STOX2: variants seen among roughly 807,000 people sequenced by gnomAD.
STOX2 encodes storkhead box 2.
STOX2 carries 28 observed loss-of-function variants against 60.9 expected under a neutral mutation model. The ratio of observed to expected loss-of-function variants is 0.46; its 90% CI spans 0.34 to 0.63. The LOEUF is 0.63. Ranked by LOEUF, STOX2 falls within the 30% of genes least tolerant of loss-of-function variation. The pLI is 0.01. For missense variants in STOX2, 1,024 were observed against 1,187.7 expected (o/e 0.86, Z 2.03); for synonymous variants, 472 against 463.9 (o/e 1.02, Z -0.22).
chr4:183,810,310 C>T (rs908925157), intron 1 of STOX2, among the ~76,000 whole-genome samples: 3 of 152,096 alleles, frequency 2.0e-5, no homozygotes, highest in Admixed American at 2.0e-4. Context: ...TGCTTCTGCC[C>T]TAGGTTAAAG....
chr4:183,851,701 C>G (rs369359837), intron 1 of STOX2, among the ~76,000 whole-genome samples: 2,261 of 30,574 alleles, frequency 0.074, 1 homozygote, highest in Admixed American at 0.096. Flanking sequence ...ATGAGAGAAA[C>G]GATGAGGGAA....
chr4:183,931,328 G>A (rs1742414998), intron 1 of STOX2, among the ~76,000 whole-genome samples: 1 of 152,110 alleles, frequency 6.6e-6, no homozygotes, highest in African/African-American at 2.4e-5. Flanking sequence ...GGTGGCTGAG[G>A]CGGGAGAATC....
chr4:183,841,167 G>A (rs1739851204), intron 1 of STOX2, among the ~76,000 whole-genome samples: 2 of 151,354 alleles, frequency 1.3e-5, no homozygotes, highest in African/African-American at 4.9e-5. Context: ...GCCCGGTTCA[G>A]TTTTCATCGT....
At chr4:183,892,198 C>T (rs114518109) in intron 1 of STOX2, among the ~76,000 whole-genome samples, 6,188 of 152,342 alleles carry the variant, frequency 0.041, 156 homozygotes, top group Non-Finnish European at 0.064. Flanking sequence ...GCCCTCCCCT[C>T]GTCTCCTATG....
At chr4:183,925,148 T>C (rs964962445) in intron 1 of STOX2, among the ~76,000 whole-genome samples, 1 of 152,178 alleles carries the variant, frequency 6.6e-6, no homozygotes, top group African/African-American at 2.4e-5. Context: ...GCTGATGGGA[T>C]GTCTCCTTTG....
intron 1 of STOX2, among the ~76,000 whole-genome samples, chr4:183,908,336 A>G (rs1036905583): frequency 1.3e-5 from 2 of 152,180 alleles, no homozygotes; most frequent in African/African-American, 4.8e-5. Context: ...TTTGAAACAC[A>G]CCTAAATGCA....
intron 1 of STOX2, among the ~76,000 whole-genome samples, chr4:183,863,357 C>T (rs529225622): frequency 6.6e-6 from 1 of 152,300 alleles, no homozygotes; most frequent in Admixed American, 6.5e-5. Flanking sequence ...TTGGAAAACG[C>T]CAGCTGAGAG....
rs372589567 is a variant in STOX2 at position 183,810,994 on chromosome 4, G to A, written c.364+12939G>A. ...TCAGACAGCACGTCGGGGGTGGTGG[G>A]GGATGAGAAACCTGATCAGATATCA... On this transcript the variant is annotated intron_variant, in intron 1 of 2. Coordinates refer to the STOX2 transcript ENST00000513034. 6.6e-5 allele frequency among the ~76,000 whole-genome samples: 10 copies of A among 152,080 alleles called. No homozygotes were observed. In the East Asian group the frequency reaches 9.6e-4, roughly 15 times the overall value.
intron 1 of STOX2, among the ~76,000 whole-genome samples, chr4:183,913,754 G>A (rs1279194667): frequency 6.6e-6 from 1 of 152,080 alleles, no homozygotes; most frequent in Non-Finnish European, 1.5e-5. Flanking sequence ...CTGGGTGACA[G>A]AGCCAGACTT....
chr4:183,940,357 C>CA (rs1742720441), intron 1 of STOX2, among the ~76,000 whole-genome samples: 1 of 152,220 alleles, frequency 6.6e-6, no homozygotes, highest in Non-Finnish European at 1.5e-5. Context: ...AACGACTAAG[C>CA]AGGTGTTTAT....
intron 1 of STOX2, among the ~76,000 whole-genome samples, chr4:183,813,686 A>G (rs1739090055): frequency 6.6e-6 from 1 of 152,124 alleles, no homozygotes; most frequent in Non-Finnish European, 1.5e-5. Flanking sequence ...TTCAGTTTAT[A>G]TTTTCGAGCT....
chr4:183,998,209 C>CTT (rs1733428807), intron 1 of STOX2, among the ~76,000 whole-genome samples: 1 of 152,164 alleles, frequency 6.6e-6, no homozygotes, highest in Non-Finnish European at 1.5e-5. Context: ...TCAAGTGATA[C>CTT]CCAAGTCCAG....
intron 1 of STOX2, among the ~76,000 whole-genome samples, chr4:183,930,757 G>A (rs1742399257): frequency 6.6e-6 from 1 of 152,210 alleles, no homozygotes; most frequent in Non-Finnish European, 1.5e-5. Context: ...TTTGGAGGAA[G>A]AGCTCATATT....
rs146685421 is a variant in STOX2, at chr4:183,979,038, A to G, written c.167-22287A>G. On this transcript the variant is annotated intron_variant, in intron 1 of 3. Transcript: ENST00000308497. Reference sequence around the variant, plus strand: ...TTTATTATTCTGTTCTCACATTGCTATAAAGAAATACCTGAGACTGGGTGA... The same window carrying G: ...TTTATTATTCTGTTCTCACATTGCTGTAAAGAAATACCTGAGACTGGGTGA... Among the ~76,000 whole-genome samples, 356 of 152,338 alleles carry G rather than the reference A, an allele frequency of 2.3e-3. 4 individuals are homozygous for G. Among genetic ancestry groups the G allele is most frequent in the African/African-American group, 8.1e-3 (337 of 41,574 alleles).
chr4:183,802,131 G>A (rs908685793), intron 1 of STOX2, among the ~76,000 whole-genome samples: 5 of 152,196 alleles, frequency 3.3e-5, no homozygotes, highest in African/African-American at 7.2e-5. Context: ...GGGAGCACAG[G>A]TGCATCTCTG....
At position 183,908,074 on chromosome 4, in the gene STOX2, G is replaced by A. The variant is rs973832137; in HGVS notation, c.166+1118G>A. ...AAACAGCAAGTCCTTTTTAACTGGG[G>A]TCAGCATCTCATGCTTCAAAAATGC... is the stretch of plus-strand genomic sequence containing the variant. On this transcript the variant is annotated intron_variant, in intron 1 of 3. Transcript: ENST00000308497. Among the ~76,000 whole-genome samples the A allele has an allele frequency of 2.0e-5, 3 of 152,244 alleles. No homozygotes were observed. The East Asian group carries it at 5.8e-4, about 29-fold the overall frequency.
chr4:183,826,826 G>T (rs1324259518), intron 1 of STOX2, among the ~76,000 whole-genome samples: 1 of 152,250 alleles, frequency 6.6e-6, no homozygotes, highest in African/African-American at 2.4e-5. Context: ...AGAAGAGAAA[G>T]GCTGTGTTTT....
intron 1 of STOX2, among the ~76,000 whole-genome samples, chr4:183,814,891 T>A (rs1739115413): frequency 6.6e-6 from 1 of 152,250 alleles, no homozygotes; most frequent in African/African-American, 2.4e-5. Context: ...TTTTCAGATT[T>A]TCTTTAGCGA....
At chr4:183,939,719 C>T (rs1183379561) in intron 1 of STOX2, among the ~76,000 whole-genome samples, 1 of 151,992 alleles carries the variant, frequency 6.6e-6, no homozygotes, top group Non-Finnish European at 1.5e-5. Flanking sequence ...CGGTCCCAGG[C>T]TTGATTTCAG....
Sources: allele counts gnomAD v4.1 joint callset (sites outside exome capture counted in the v4.1 genomes callset), GRCh38; gene constraint gnomAD v4.1.1; transcripts MANE v1.5; gene names NCBI Gene and HGNC (gene_info 2026-07-23, HGNC 2026-07-21).